DDX10: variants seen among roughly 807,000 people sequenced by gnomAD.
DDX10 encodes the protein DEAD-box helicase 10.
Under a neutral mutation model 104.3 loss-of-function variants are expected in DDX10, and 74 were observed. The observed-to-expected ratio is 0.71, with a 90% CI of 0.59 to 0.86. DDX10 has a LOEUF of 0.86. DDX10 is among the 40% of genes least tolerant of loss of function. The pLI, the probability that DDX10 is intolerant of heterozygous loss-of-function variation, is 0.00. For synonymous variants in DDX10, 351 were observed against 353.4 expected (o/e 0.99, Z 0.08); for missense variants, 952 against 1,040.0 (o/e 0.92, Z 1.16).
intron 13 of DDX10, among the ~76,000 whole-genome samples, chr11:108,761,778 TA>T (rs1378481602): frequency 6.6e-6 from 1 of 152,140 alleles, no homozygotes; most frequent in African/African-American, 2.4e-5. Context: ...TTGTAAGAAG[TA>T]AAACTAACTG....
chr11:108,803,973 C>G (rs1591822611), intron 13 of DDX10, among the ~76,000 whole-genome samples: 2 of 152,146 alleles, frequency 1.3e-5, no homozygotes, highest in South Asian at 2.1e-4. Flanking sequence ...GAGTAAGGCA[C>G]TGCTGATTAG....
intron 13 of DDX10, among the ~76,000 whole-genome samples, chr11:108,745,804 T>G (rs1354956798): frequency 6.6e-6 from 1 of 152,204 alleles, no homozygotes; most frequent in African/African-American, 2.4e-5. Context: ...TTCTAGACCT[T>G]GAGGACCTGA....
chr11:108,774,408 G>A (rs2094367193), intron 13 of DDX10, among the ~76,000 whole-genome samples: 1 of 152,174 alleles, frequency 6.6e-6, no homozygotes, highest in Admixed American at 6.5e-5. Context: ...TGTCCTTGGA[G>A]GCTTATGCTT....
chr11:108,707,357 G>C (rs2134462186), intron 10 of DDX10, among the ~76,000 whole-genome samples: 1 of 152,158 alleles, frequency 6.6e-6, no homozygotes, highest in Non-Finnish European at 1.5e-5. Context: ...ATTATAGTTG[G>C]AATTATACGG....
intron 16 of DDX10, among the ~76,000 whole-genome samples, chr11:108,910,161 G>C (rs1213742505): frequency 6.6e-6 from 1 of 151,522 alleles, no homozygotes; most frequent in African/African-American, 2.4e-5. Flanking sequence ...ACACCTGCAT[G>C]TTTTACAAAG....
At chr11:108,877,835 C>T (rs1863172933) in intron 16 of DDX10, among the ~76,000 whole-genome samples, 1 of 152,096 alleles carries the variant, frequency 6.6e-6, no homozygotes, top group African/African-American at 2.4e-5. Flanking sequence ...TGTAGCTTTC[C>T]AAATCTGGCA....
chr11:108,688,833 C>G (rs1288325415), intron 6 of DDX10, 103 bp from the exon 7 acceptor site: 13 of 1,294,912 alleles, frequency 1.0e-5, no homozygotes, highest in Non-Finnish European at 1.4e-5. Flanking sequence ...AGGAAATTTG[C>G]TTGAGAGATG....
At chr11:108,803,837 A>T (rs775144489) in intron 13 of DDX10, among the ~76,000 whole-genome samples, 1 of 152,188 alleles carries the variant, frequency 6.6e-6, no homozygotes, top group African/African-American at 2.4e-5. Context: ...GCAAATGCTC[A>T]TGTGTTAGAA....
intron 16 of DDX10, among the ~76,000 whole-genome samples, chr11:108,916,155 CA>C (rs1565317842): frequency 6.6e-6 from 1 of 151,950 alleles, no homozygotes; most frequent in Non-Finnish European, 1.5e-5. Flanking sequence ...GTCCTGAGAC[CA>C]AAAAGTTTAG....
chr11:108,731,952 T>A (rs1049625771), intron 13 of DDX10, among the ~76,000 whole-genome samples: 1 of 152,212 alleles, frequency 6.6e-6, no homozygotes, highest in African/African-American at 2.4e-5. Flanking sequence ...GCTCATGTTT[T>A]AGAATTGTCT....
intron 8 of DDX10, among the ~76,000 whole-genome samples, chr11:108,692,242 A>T (rs550134198): frequency 1.3e-5 from 2 of 152,296 alleles, no homozygotes; most frequent in South Asian, 4.1e-4. Context: ...CATCTTTTTT[A>T]CTATTTCATG....
At position 108,724,927 on chromosome 11, in the gene DDX10, T is replaced by C. The variant is rs141195004; in HGVS notation, c.1965+1465T>C. Among the ~76,000 whole-genome samples the C allele has an allele frequency of 3.0e-3, 453 of 152,204 alleles. 4 individuals carry two copies. The highest frequency in any genetic ancestry group is 0.01 in the African/African-American group (422 of 41,566). On this transcript the variant is annotated intron_variant, in intron 13 of 17. Transcript: ENST00000322536. The stretch of plus-strand genomic sequence containing the variant: ...TTTGAGTTTTGGCAAATGTATGGTG[T>C]TGTGTAATTACCACAATTAAGAATA...
chr11:108,754,146 T>G (rs952452961), intron 13 of DDX10, among the ~76,000 whole-genome samples: 1 of 152,058 alleles, frequency 6.6e-6, no homozygotes, highest in Non-Finnish European at 1.5e-5. Context: ...CAGATTTGAT[T>G]CTGCTGTGTT....
At chr11:108,918,373 G>A (rs543123507) in intron 17 of DDX10, 1 of 278,686 alleles carries the variant, frequency 3.6e-6, no homozygotes, top group African/African-American at 2.2e-5. Context: ...TGCAAACAGA[G>A]TTAGGGTTTT....
intron 13 of DDX10, among the ~76,000 whole-genome samples, chr11:108,787,430 T>C (rs1472488809): frequency 5.9e-5 from 9 of 151,334 alleles, no homozygotes; most frequent in East Asian, 5.9e-4. Flanking sequence ...TATTCTCAAA[T>C]ACATTTTCCA....
chr11:108,751,795 A>G (rs148130451), intron 13 of DDX10, among the ~76,000 whole-genome samples: 46 of 152,348 alleles, frequency 3.0e-4, no homozygotes, highest in African/African-American at 1.0e-3. Context: ...TGGCAAGTCA[A>G]TCTTCAGTTT....
intron 16 of DDX10, among the ~76,000 whole-genome samples, chr11:108,888,361 C>CTTCCATTAG (rs1176858837): frequency 1.3e-5 from 2 of 152,144 alleles, no homozygotes; most frequent in African/African-American, 4.8e-5. Flanking sequence ...ATATTCCCCC[C>CTTCCATTAG]TTCCATTAGC....
At chr11:108,834,920 T>G (rs1234544120) in intron 13 of DDX10, among the ~76,000 whole-genome samples, 1 of 71,248 alleles carries the variant, frequency 1.4e-5, no homozygotes, top group Non-Finnish European at 2.4e-5. Flanking sequence ...TGAGCAAGAC[T>G]CCATCTCAAA....
intron 6 of DDX10, among the ~76,000 whole-genome samples, chr11:108,687,725 G>T (rs1474462147): frequency 6.6e-6 from 1 of 152,050 alleles, no homozygotes; most frequent in South Asian, 2.1e-4. Flanking sequence ...CCATTCCGTG[G>T]CTTATCTTCT....
Sources: gnomAD v4.1 joint callset for allele counts (sites outside exome capture counted in the v4.1 genomes callset) on GRCh38, gnomAD v4.1.1 for gene constraint, MANE v1.5 for transcripts, NCBI Gene and HGNC (gene_info 2026-07-23, HGNC 2026-07-21) for gene names.